ME1: variants seen among roughly 807,000 people sequenced by gnomAD.
The protein encoded by ME1 is malic enzyme 1.
A neutral mutation model predicts 66.4 loss-of-function variants in ME1; 74 were observed. That is an observed-to-expected ratio of 1.11 (90% confidence interval 0.92 to 1.35). ME1 has a LOEUF of 1.35. ME1 is among the 40% of genes most tolerant of loss of function. ME1 has a pLI of 0.00. For synonymous variants in ME1, 251 were observed against 235.6 expected (o/e 1.07, Z -0.60); for missense variants, 750 against 694.1 (o/e 1.08, Z -0.90).
intron 1 of ME1, among the ~76,000 whole-genome samples, chr6:83,411,278 C>T (rs748551681): frequency 2.0e-5 from 3 of 151,970 alleles, no homozygotes; most frequent in Admixed American, 6.6e-5. Context: ...GCAGAAGAAT[C>T]GCTTGAACCT....
At chr6:83,423,719 A>G (rs1770315273) in intron 1 of ME1, among the ~76,000 whole-genome samples, 2 of 152,114 alleles carry the variant, frequency 1.3e-5, no homozygotes, top group African/African-American at 4.8e-5. Flanking sequence ...GGATTGCTTG[A>G]GCCTTGAGGT....
chr6:83,388,943 C>G (rs544161402), intron 3 of ME1, among the ~76,000 whole-genome samples: 1 of 152,018 alleles, frequency 6.6e-6, no homozygotes, highest in Non-Finnish European at 1.5e-5. Flanking sequence ...TGGTGAAACC[C>G]CAGCTCTACT....
intron 6 of ME1, among the ~76,000 whole-genome samples, chr6:83,310,406 ATTTCTTCCACAGAGTT>A (rs1767908392): frequency 6.6e-6 from 1 of 152,070 alleles, no homozygotes; most frequent in South Asian, 2.1e-4. Context: ...TTCCTTTGTT[ATTTCTTCCACAGAGTT>A]TAATCTCAAG....
chr6:83,411,592 T>G (rs954600951), intron 1 of ME1, among the ~76,000 whole-genome samples: 2 of 152,200 alleles, frequency 1.3e-5, no homozygotes, highest in African/African-American at 4.8e-5. Context: ...GTCAGTTATG[T>G]GTAAAGTTTG....
intron 6 of ME1, among the ~76,000 whole-genome samples, chr6:83,274,923 A>G (rs1380347874): frequency 6.6e-6 from 1 of 152,202 alleles, no homozygotes; most frequent in East Asian, 1.9e-4. Flanking sequence ...TATTTAATCA[A>G]AAGAGGAAAT....
At chr6:83,247,541 A>G (rs1047664115) in intron 7 of ME1, among the ~76,000 whole-genome samples, 2 of 152,020 alleles carry the variant, frequency 1.3e-5, no homozygotes, top group Non-Finnish European at 2.9e-5. Flanking sequence ...AAAAAAAAAA[A>G]GAAAAGAGTC....
At chr6:83,348,861 A>G (rs1462767679) in intron 4 of ME1, among the ~76,000 whole-genome samples, 1 of 151,246 alleles carries the variant, frequency 6.6e-6, no homozygotes, top group Non-Finnish European at 1.5e-5. Context: ...GGTGGCGAGT[A>G]GCCTCCCAGC....
chr6:83,287,316 A>C (rs550331185), intron 6 of ME1, among the ~76,000 whole-genome samples: 2 of 151,908 alleles, frequency 1.3e-5, no homozygotes, highest in South Asian at 4.2e-4. Context: ...CTCCACACCC[A>C]CCACAGGTCC....
Position 83,430,566 on chromosome 6 carries a change from T to C in ME1, c.78+311A>G, listed in dbSNP as rs544417924. Among the ~76,000 whole-genome samples the C allele has an allele frequency of 4.1e-4, 62 of 152,374 alleles. 1 individual carries two copies. The Middle Eastern group carries it at 0.014, about 33-fold the overall frequency. ...ACTTTCATTGTCTGGGCTCTTGTTT[T>C]TGGAGAAGAGCTGCCGAAAAGTATC... On this transcript the variant is annotated intron_variant, in intron 1 of 13. Transcript: ENST00000369705.
At chr6:83,409,659 A>G (rs1172106038) in intron 1 of ME1, among the ~76,000 whole-genome samples, 1 of 152,214 alleles carries the variant, frequency 6.6e-6, no homozygotes, top group Non-Finnish European at 1.5e-5. Context: ...AAATTGGTCC[A>G]CTGAATGACG....
intron 3 of ME1, among the ~76,000 whole-genome samples, chr6:83,391,390 C>G (rs1769617436): frequency 6.6e-6 from 1 of 152,086 alleles, no homozygotes; most frequent in Non-Finnish European, 1.5e-5. Context: ...TATCCAGAAT[C>G]TGGATTTTAA....
At chr6:83,362,236 T>C (rs1169634062) in intron 3 of ME1, among the ~76,000 whole-genome samples, 1 of 152,222 alleles carries the variant, frequency 6.6e-6, no homozygotes, top group African/African-American at 2.4e-5. Flanking sequence ...TTTGGCTGGA[T>C]GGTCAGGGAC....
At chr6:83,277,719 T>G (rs979119395) in intron 6 of ME1, among the ~76,000 whole-genome samples, 3 of 151,896 alleles carry the variant, frequency 2.0e-5, no homozygotes, top group South Asian at 4.2e-4. Flanking sequence ...CTGGCCAACA[T>G]GGTGAAACCC....
At chr6:83,384,174 T>A (rs1359276898) in intron 3 of ME1, among the ~76,000 whole-genome samples, 2 of 151,920 alleles carry the variant, frequency 1.3e-5, no homozygotes, top group Non-Finnish European at 2.9e-5. Flanking sequence ...TTATTTTCCT[T>A]TGGGTATATA....
intron 9 of ME1, among the ~76,000 whole-genome samples, chr6:83,232,286 T>C (rs572046758): frequency 2.6e-5 from 4 of 152,314 alleles, no homozygotes; most frequent in Admixed American, 2.0e-4. Context: ...TCTCAGCACA[T>C]AGTCAGTAGC....
At chr6:83,225,470 A>C (rs577610785) in intron 11 of ME1, among the ~76,000 whole-genome samples, 73 of 152,192 alleles carry the variant, frequency 4.8e-4, no homozygotes, top group African/African-American at 1.6e-3. Context: ...TATCTCTTGG[A>C]TCTAGAGTCT....
At chr6:83,354,215 C>G (rs1413938076) in intron 3 of ME1, among the ~76,000 whole-genome samples, 1 of 152,182 alleles carries the variant, frequency 6.6e-6, no homozygotes, top group African/African-American at 2.4e-5. Flanking sequence ...CATCCCCTGC[C>G]TCCTGGGTTC....
intron 9 of ME1, among the ~76,000 whole-genome samples, chr6:83,230,138 G>T (rs113641307): frequency 0.15 from 20,405 of 134,710 alleles, 1,723 homozygotes; most frequent in African/African-American, 0.28. Context: ...GTTTTTTTTT[G>T]TTGTTGTTGT....
At chr6:83,292,148 C>A (rs139391429) in intron 6 of ME1, among the ~76,000 whole-genome samples, 1 of 152,190 alleles carries the variant, frequency 6.6e-6, no homozygotes, top group South Asian at 2.1e-4. Context: ...ATTCTCCATC[C>A]AGTTTTGTTC....
Sources: gnomAD v4.1 joint callset for allele counts (sites outside exome capture counted in the v4.1 genomes callset) on GRCh38, gnomAD v4.1.1 for gene constraint, MANE v1.5 for transcripts, NCBI Gene and HGNC (gene_info 2026-07-23, HGNC 2026-07-21) for gene names.